The following FHIT variants were observed in gnomAD, a reference collection of about 807,000 sequenced individuals.
FHIT encodes bis(5'-adenosyl)-triphosphatase.
Under a neutral mutation model 17.9 loss-of-function variants are expected in FHIT, and 19 were observed. The observed-to-expected ratio is 1.06, with a 90% confidence interval of 0.74 to 1.56. The LOEUF (loss-of-function observed/expected upper bound fraction) is 1.56. Ranked by LOEUF, FHIT falls within the 40% of genes most tolerant of loss-of-function variation. The probability of loss-of-function intolerance (pLI) is 0.00; values close to 1 mark genes in which losing one functional copy is unlikely to be tolerated. For missense variants in FHIT, 248 were observed against 189.2 expected, an observed-to-expected ratio of 1.31 and a Z score of -1.82; for synonymous variants, 81 against 69.7, an observed-to-expected ratio of 1.16 and a Z score of -0.81.
chr3:61,053,686 G>C (rs575934036), intron 2 of FHIT, among the ~76,000 whole-genome samples: 2 of 151,436 alleles, frequency 1.3e-5, no homozygotes, highest in South Asian at 2.1e-4. Flanking sequence ...TGTGTTTAAA[G>C]TTTCAAGTTA....
chr3:59,887,135 G>A (rs1217656807), intron 8 of FHIT, among the ~76,000 whole-genome samples: 1 of 152,164 alleles, frequency 6.6e-6, no homozygotes, highest in East Asian at 1.9e-4. Context: ...TAGATAATAA[G>A]CCAAAGACCC....
intron 2 of FHIT, among the ~76,000 whole-genome samples, chr3:61,060,105 C>G (rs1365006750): frequency 6.6e-6 from 1 of 152,076 alleles, no homozygotes; most frequent in Admixed American, 6.5e-5. Flanking sequence ...CATCCGAGAC[C>G]CTCAACTGGA....
At chr3:60,600,023 G>A (rs7617530) in intron 4 of FHIT, among the ~76,000 whole-genome samples, 41,225 of 151,906 alleles carry the variant, frequency 0.27, 6,195 homozygotes, top group East Asian at 0.57. Flanking sequence ...TGGGGAAAGG[G>A]GAGATATAAA....
intron 7 of FHIT, among the ~76,000 whole-genome samples, chr3:59,932,047 CT>C (rs1314207095): frequency 1.3e-5 from 2 of 152,084 alleles, no homozygotes; most frequent in African/African-American, 4.8e-5. Context: ...GGGTATATGC[CT>C]TTTCCTTTTG....
chr3:60,101,118 C>T (rs1021257927), intron 5 of FHIT, among the ~76,000 whole-genome samples: 2 of 152,220 alleles, frequency 1.3e-5, no homozygotes, highest in African/African-American at 4.8e-5. Context: ...GACCTGCCGG[C>T]CCCCGCTCCC....
At chr3:60,927,125 G>A (rs548992886) in intron 3 of FHIT, among the ~76,000 whole-genome samples, 1 of 152,270 alleles carries the variant, frequency 6.6e-6, no homozygotes, top group South Asian at 2.1e-4. Context: ...TCAGCCTGCC[G>A]AGTGCCTGGG....
chr3:59,752,483 A>T (rs191895361), intron 8 of FHIT, among the ~76,000 whole-genome samples, 162 bp from the exon 9 acceptor site: 2 of 152,276 alleles, frequency 1.3e-5, no homozygotes, highest in African/African-American at 4.8e-5. Flanking sequence ...TAGGCTTTAT[A>T]CAAGAATCCA....
intron 5 of FHIT, among the ~76,000 whole-genome samples, chr3:60,230,069 TCAATACC>T (rs1704417521): frequency 6.6e-6 from 1 of 152,122 alleles, no homozygotes; most frequent in African/African-American, 2.4e-5. Flanking sequence ...ATCTCGTTGT[TCAATACC>T]GTGGCCACTA....
At chr3:61,250,093 C>T (rs997200673) in intron 1 of FHIT, among the ~76,000 whole-genome samples, 5 of 152,154 alleles carry the variant, frequency 3.3e-5, no homozygotes, top group Admixed American at 1.3e-4. Context: ...GTTGTAGTTC[C>T]GAGTCAAGCG....
intron 3 of FHIT, among the ~76,000 whole-genome samples, chr3:60,952,998 C>T (rs1211089068): frequency 1.3e-5 from 2 of 152,142 alleles, no homozygotes; most frequent in Admixed American, 6.5e-5. Flanking sequence ...ATCTTATATT[C>T]ATTTAAGTCT....
At chr3:60,610,267 C>T (rs1050208220) in intron 4 of FHIT, among the ~76,000 whole-genome samples, 2 of 152,118 alleles carry the variant, frequency 1.3e-5, no homozygotes, top group African/African-American at 4.8e-5. Flanking sequence ...CCTTCATTTG[C>T]CAAACAATCT....
At chr3:60,621,986 C>T (rs183052181) in intron 4 of FHIT, among the ~76,000 whole-genome samples, 1 of 152,080 alleles carries the variant, frequency 6.6e-6, no homozygotes, top group Admixed American at 6.6e-5. Context: ...GGAGAATTAA[C>T]CCTCTGCATT....
At chr3:60,103,694 C>G (rs1704287213) in intron 5 of FHIT, among the ~76,000 whole-genome samples, 1 of 152,154 alleles carries the variant, frequency 6.6e-6, no homozygotes, top group Non-Finnish European at 1.5e-5. Flanking sequence ...TGGCTTGCTA[C>G]GTGTAGAAAA....
At chr3:60,464,244 A>G (rs1421472268) in intron 5 of FHIT, among the ~76,000 whole-genome samples, 1 of 152,122 alleles carries the variant, frequency 6.6e-6, no homozygotes, top group Non-Finnish European at 1.5e-5. Context: ...TACATATAAG[A>G]TATGTTGTAG....
At chr3:61,068,064 T>C (rs1447687552) in intron 2 of FHIT, among the ~76,000 whole-genome samples, 1 of 152,036 alleles carries the variant, frequency 6.6e-6, no homozygotes, top group Non-Finnish European at 1.5e-5. Context: ...AAGTGTAGGG[T>C]GAGGCCTGAG....
At chr3:59,990,356 C>T (rs947537816) in intron 7 of FHIT, among the ~76,000 whole-genome samples, 3 of 151,992 alleles carry the variant, frequency 2.0e-5, no homozygotes, top group Non-Finnish European at 2.9e-5. Flanking sequence ...ATTCTTTTTC[C>T]TGTGGATTTG....
At chr3:59,760,855 G>GTCTC (rs1701477655) in intron 8 of FHIT, among the ~76,000 whole-genome samples, 1 of 151,502 alleles carries the variant, frequency 6.6e-6, no homozygotes, top group Non-Finnish European at 1.5e-5. Context: ...TCGAGACAAG[G>GTCTC]TCTCACTCTG....
At chr3:60,709,443 C>A (rs1207731193) in intron 4 of FHIT, among the ~76,000 whole-genome samples, 3 of 152,120 alleles carry the variant, frequency 2.0e-5, no homozygotes, top group Non-Finnish European at 4.4e-5. Context: ...CAAAACTTAA[C>A]AAATGGTAGT....
At chr3:59,885,961 G>C (rs148403442) in intron 8 of FHIT, among the ~76,000 whole-genome samples, 148 of 152,292 alleles carry the variant, frequency 9.7e-4, no homozygotes, top group African/African-American at 3.2e-3. Flanking sequence ...GCTAATGCCA[G>C]GCAATCCCTT....
Sources: allele counts gnomAD v4.1 joint callset (sites outside exome capture counted in the v4.1 genomes callset), GRCh38; gene constraint gnomAD v4.1.1; transcripts MANE v1.5; gene names NCBI Gene and HGNC (gene_info 2026-07-23, HGNC 2026-07-21).